UMAD1: variants seen among roughly 807,000 people sequenced by gnomAD.
UMAD1 encodes UBAP1-MVB12-associated (UMA)-domain containing protein 1.
In UMAD1, 8 loss-of-function variants were observed where a neutral mutation model predicts 6.1. The ratio of observed to expected loss-of-function variants is 1.30; its 90% CI spans 0.76 to 2.35. The LOEUF is 2.35. Among genes scored for constraint, UMAD1 ranks in the 30% most tolerant of loss-of-function variants. The pLI is 0.00. For missense variants in UMAD1, 130 were observed against 78.4 expected (o/e 1.66, Z -2.49); for synonymous variants, 56 against 31.4 (o/e 1.78, Z -2.61).
intron 2 of UMAD1, among the ~76,000 whole-genome samples, chr7:7,769,769 A>T (rs1057196581): frequency 6.6e-6 from 1 of 152,198 alleles, no homozygotes; most frequent in Non-Finnish European, 1.5e-5. Context: ...TATGGTTGGA[A>T]CACACATTCT....
chr7:7,683,709 G>A (rs13228561), intron 2 of UMAD1, among the ~76,000 whole-genome samples: 9 of 151,636 alleles, frequency 5.9e-5, no homozygotes, highest in African/African-American at 2.2e-4. Context: ...TGCAATCTCC[G>A]CCTCCTGGGT....
chr7:7,846,038 A>G (rs1287104441), intron 3 of UMAD1, among the ~76,000 whole-genome samples: 3 of 152,166 alleles, frequency 2.0e-5, no homozygotes, highest in Non-Finnish European at 4.4e-5. Flanking sequence ...TTACTCAATC[A>G]TAGTAAAGTA....
At position 7,802,488 on chromosome 7, in the gene UMAD1, C is replaced by T. The variant is rs541109353; in HGVS notation, c.156+745C>T. 2.6e-4 allele frequency among the ~76,000 whole-genome samples: 39 copies of T among 152,220 alleles called. 1 individual carries two copies. Among genetic ancestry groups the T allele is most frequent in the Admixed American group, 2.4e-3 (36 of 15,288 alleles). ...AAACTAGGGTATTTATTCTTTTTCACATGAGAAAACTATTTGCTCTCTAAG... is the reference window on the plus strand; with the variant it reads ...AAACTAGGGTATTTATTCTTTTTCATATGAGAAAACTATTTGCTCTCTAAG... On this transcript the variant is annotated intron_variant, in intron 3 of 3. Transcript: ENST00000682710.
Position 7,872,081 on chromosome 7 carries a change from AAAAAAAT to A in UMAD1, c.157-5179_157-5173del, listed in dbSNP as rs553428978. Among the ~76,000 whole-genome samples the A allele has an allele frequency of 1.7e-3, 259 of 151,950 alleles. 1 individual carries two copies. The highest frequency in any genetic ancestry group is 5.7e-3 in the African/African-American group (236 of 41,414). On this transcript the variant is annotated intron_variant, in intron 3 of 3. Transcript: ENST00000682710. ...AGTAAAGTCTGCTCTACTCAGCCATAAAAAAATAAAAAATAAAAAATAAAAAAAAAAA... is the reference window on the plus strand; with the variant it reads ...AGTAAAGTCTGCTCTACTCAGCCATAAAAAAATAAAAAATAAAAAAAAAAA...
chr7:7,826,580 G>C (rs1783346261), intron 3 of UMAD1, among the ~76,000 whole-genome samples: 1 of 152,104 alleles, frequency 6.6e-6, no homozygotes, highest in South Asian at 2.1e-4. Flanking sequence ...TGGATAGCTG[G>C]TCTACCCATG....
intron 1 of UMAD1, among the ~76,000 whole-genome samples, chr7:7,669,828 A>C (rs970014620): frequency 3.3e-5 from 5 of 152,164 alleles, no homozygotes; most frequent in Admixed American, 1.3e-4. Context: ...TGCCATTCTC[A>C]GTTCTTTTCT....
chr7:7,863,470 G>T (rs936841310), intron 3 of UMAD1, among the ~76,000 whole-genome samples: 2 of 152,080 alleles, frequency 1.3e-5, no homozygotes, highest in African/African-American at 4.8e-5. Flanking sequence ...ATGTTGTTTC[G>T]TATAGTACTA....
chr7:7,855,532 C>T (rs570404542), intron 3 of UMAD1, among the ~76,000 whole-genome samples: 4 of 152,302 alleles, frequency 2.6e-5, no homozygotes, highest in East Asian at 1.9e-4. Flanking sequence ...TAGCCATAGT[C>T]GGAGTGGCTA....
intron 3 of UMAD1, among the ~76,000 whole-genome samples, chr7:7,844,026 G>T (rs1783737311): frequency 1.3e-5 from 2 of 152,186 alleles, no homozygotes; most frequent in Non-Finnish European, 2.9e-5. Context: ...GCTTGCCAGT[G>T]GGAATGAAGG....
At chr7:7,647,419 A>G (rs1196056094) in intron 1 of UMAD1, among the ~76,000 whole-genome samples, 1 of 152,104 alleles carries the variant, frequency 6.6e-6, no homozygotes, top group Non-Finnish European at 1.5e-5. Flanking sequence ...AACATGGACA[A>G]TTTTTCATGT....
chr7:7,759,868 C>T (rs1781849410), intron 2 of UMAD1, among the ~76,000 whole-genome samples: 1 of 152,076 alleles, frequency 6.6e-6, no homozygotes, highest in East Asian at 1.9e-4. Flanking sequence ...AGACAGTCTG[C>T]CATATTATCC....
In UMAD1 at chr7:7,673,368, A is replaced by AGCAGCAGCAGCG. The variant is rs776102769; in HGVS notation, c.-1_1insGCAGCAGCGGCA. ...CAGCAGCAGCAGCAGCAGCAGCAGC[A>AGCAGCAGCAGCG]GCAATGTTTCACTTCTTCAGAAAGC... On this transcript the variant is annotated 5_prime_UTR_variant, in exon 2 of 4. Transcript: ENST00000682710. 3 of 1,125,840 alleles carry AGCAGCAGCAGCG rather than the reference A, an allele frequency of 2.7e-6. No homozygotes were observed. The highest frequency in any genetic ancestry group is 3.2e-5 in the African/African-American group (2 of 63,148). 69.7% of individuals were successfully genotyped at this position (1,125,840 alleles called of 1,614,324 possible).
At chr7:7,834,482 A>G (rs541153301) in intron 3 of UMAD1, among the ~76,000 whole-genome samples, 2 of 152,320 alleles carry the variant, frequency 1.3e-5, no homozygotes, top group African/African-American at 4.8e-5. Context: ...AGACTGGGTG[A>G]CTTAAACAAC....
intron 2 of UMAD1, among the ~76,000 whole-genome samples, chr7:7,731,663 AAG>A (rs1327752896): frequency 7.2e-5 from 11 of 152,214 alleles, no homozygotes; most frequent in Admixed American, 3.9e-4. Flanking sequence ...GCCGCAATAA[AAG>A]AGAGTTTTCA....
At chr7:7,742,604 A>G (rs1321370580) in intron 2 of UMAD1, 2 of 481,080 alleles carry the variant, frequency 4.2e-6, no homozygotes, top group East Asian at 5.4e-5. Flanking sequence ...GGATTAAAGG[A>G]TGAATGCTGT....
At chr7:7,707,993 T>A (rs1253758655) in intron 2 of UMAD1, among the ~76,000 whole-genome samples, 6 of 152,226 alleles carry the variant, frequency 3.9e-5, no homozygotes, top group Non-Finnish European at 7.3e-5. Flanking sequence ...GTCACTTTTT[T>A]AATGCGGCTC....
chr7:7,700,609 C>T (rs889885439), intron 2 of UMAD1, among the ~76,000 whole-genome samples: 5 of 152,046 alleles, frequency 3.3e-5, no homozygotes, highest in African/African-American at 4.8e-5. Context: ...ACCAAAGGGC[C>T]GGGCGCGGTG....
chr7:7,661,847 G>A (rs911848098), intron 1 of UMAD1, among the ~76,000 whole-genome samples: 3 of 152,156 alleles, frequency 2.0e-5, no homozygotes, highest in African/African-American at 7.2e-5. Flanking sequence ...GCTGGGAGAT[G>A]TACTGCTTTC....
chr7:7,734,379 T>A (rs1026974461), intron 2 of UMAD1, among the ~76,000 whole-genome samples: 2 of 152,130 alleles, frequency 1.3e-5, no homozygotes, highest in African/African-American at 4.8e-5. Flanking sequence ...TTAAGATTTT[T>A]AAATTTTAAT....
Sources: gnomAD v4.1 joint callset for allele counts (sites outside exome capture counted in the v4.1 genomes callset) on GRCh38, gnomAD v4.1.1 for gene constraint, MANE v1.5 for transcripts, NCBI Gene and HGNC (gene_info 2026-07-23, HGNC 2026-07-21) for gene names.